SFXN2: variants seen among roughly 807,000 people sequenced by gnomAD.
SFXN2 encodes the protein sideroflexin 2.
Under a neutral mutation model 41.9 loss-of-function variants are expected in SFXN2, and 37 were observed. That is an observed-to-expected ratio of 0.88 (90% CI 0.68 to 1.16). SFXN2 has a LOEUF of 1.16. Ranked by LOEUF, SFXN2 falls within the 50% of genes most tolerant of loss-of-function variation. SFXN2 has a pLI of 0.00. For missense variants in SFXN2, 386 were observed against 425.2 expected (o/e 0.91, Z 0.81); for synonymous variants, 150 against 156.7 (o/e 0.96, Z 0.32).
Position 102,739,327 on chromosome 10 carries a change from C to G in SFXN2, c.*1565C>G, listed in dbSNP as rs2134014122. Reference sequence around the variant, plus strand: ...TGCCTGGAGGCTGTTGTTTATTTCCCTCATTAAAGGGGAAATCCACCTGTC... The same window carrying G: ...TGCCTGGAGGCTGTTGTTTATTTCCGTCATTAAAGGGGAAATCCACCTGTC... On this transcript the variant is annotated 3_prime_UTR_variant, in exon 12 of 12. Coordinates refer to ENST00000369893, the MANE Select transcript of SFXN2 (RefSeq NM_178858.6). 6.6e-6 allele frequency: 1 copy of G among 152,278 alleles called. No individual in the cohort carries two copies. The highest frequency in any genetic ancestry group is 1.5e-5 in the Non-Finnish European group (1 of 68,018). 9.4% of individuals were successfully genotyped at this position (152,278 alleles called of 1,614,324 possible). A position where few individuals can be genotyped will look rare whatever the true frequency, so the allele number is the denominator to read the frequency against.
chr10:102,735,785 C>G (rs370617539), intron 10 of SFXN2, 77 bp from the exon 11 acceptor site: 5 of 1,503,806 alleles, frequency 3.3e-6, no homozygotes, highest in Non-Finnish European at 4.6e-6. Context: ...GGGCATTGCT[C>G]CTTTCCCTTG....
Position 102,739,049 on chromosome 10 carries a change from C to T in SFXN2, c.*1287C>T, listed in dbSNP as rs879046389. The T allele has an allele frequency of 6.6e-6, 1 of 152,588 alleles. No individual in the cohort carries two copies. Among genetic ancestry groups the T allele is most frequent in the South Asian group, 2.1e-4 (1 of 4,828 alleles). The allele number at this position is 152,588 out of a possible 1,614,324, so 9.5% of individuals were successfully genotyped here. ...AGCTTGGCTGCCCTAGGTGATTTCT[C>T]AAGCTCCTTGGGGGACTGTTGTTTC... On this transcript the variant is annotated 3_prime_UTR_variant, in exon 12 of 12. Coordinates refer to ENST00000369893, the MANE Select transcript of SFXN2 (RefSeq NM_178858.6).
intron 1 of SFXN2, among the ~76,000 whole-genome samples, chr10:102,723,247 C>T (rs1037196263): frequency 6.8e-6 from 1 of 148,026 alleles, no homozygotes; most frequent in African/African-American, 2.5e-5. Flanking sequence ...GCCTGGCCGA[C>T]TAGAAAGTTT....
In SFXN2 at chr10:102,741,254, G is replaced by T. The variant is rs747533329; in HGVS notation, c.*3492G>T. 8.1e-4 allele frequency: 123 copies of T among 152,304 alleles called. No individual in the cohort carries two copies. The Middle Eastern group carries it at 0.01, about 13-fold the overall frequency. The allele number at this position is 152,304 out of a possible 1,614,324, so 9.4% of individuals were successfully genotyped here. A position where few individuals can be genotyped will look rare whatever the true frequency, so the allele number is the denominator to read the frequency against. On this transcript the variant is annotated 3_prime_UTR_variant, in exon 12 of 12. Coordinates refer to ENST00000369893, the MANE Select transcript of SFXN2 (RefSeq NM_178858.6). ...CCTGTGTTTGCCAAACTGAATTGGG[G>T]TTTCTTATTTATTGAGAGAAAGAGG...
At position 102,743,066 on chromosome 10, in the gene SFXN2, A is replaced by AAGTAGACTTCGTC. The variant is rs1364282518; in HGVS notation, c.*5304_*5305insAGTAGACTTCGTC. The AAGTAGACTTCGTC allele has an allele frequency of 6.6e-6, 1 of 152,264 alleles. No homozygotes were observed. The highest frequency in any genetic ancestry group is 2.4e-5 in the African/African-American group (1 of 41,454). The allele number at this position is 152,264 out of a possible 1,614,324, so 9.4% of individuals were successfully genotyped here. A position where few individuals can be genotyped will look rare whatever the true frequency, so the allele number is the denominator to read the frequency against. Reference sequence around the variant, plus strand: ...GTGAGATAAAGAGAAGTAGACAGGGACGAAGTCACAGAGAGGACCGTGTTG... The same window carrying AAGTAGACTTCGTC: ...GTGAGATAAAGAGAAGTAGACAGGGAAGTAGACTTCGTCCGAAGTCACAGAGAGGACCGTGTTG... On this transcript the variant is annotated 3_prime_UTR_variant, in exon 12 of 12. Coordinates refer to ENST00000369893, the MANE Select transcript of SFXN2 (RefSeq NM_178858.6).
chr10:102,733,394 C>T (rs2064730880), intron 9 of SFXN2, among the ~76,000 whole-genome samples, 160 bp from the exon 10 acceptor site: 1 of 152,154 alleles, frequency 6.6e-6, no homozygotes, highest in African/African-American at 2.4e-5. Flanking sequence ...GTGATCTGCC[C>T]ATCTCGGTCT....
chr10:102,730,119 ACTC>A (rs1221202790), intron 6 of SFXN2, among the ~76,000 whole-genome samples: 2 of 151,956 alleles, frequency 1.3e-5, no homozygotes, highest in Non-Finnish European at 2.9e-5. Context: ...AAAATTGTGA[ACTC>A]CTCCTACTTC....
In SFXN2 at chr10:102,734,218, G is replaced by C. The variant is rs1047526919; in HGVS notation, c.821+615G>C. 1.3e-5 allele frequency among the ~76,000 whole-genome samples: 2 copies of C among 152,094 alleles called. No homozygotes were observed. Among genetic ancestry groups the C allele is most frequent in the Non-Finnish European group, 2.9e-5 (2 of 68,020 alleles). ...GATAAGAACGAGGAGACATAGCTTT[G>C]GCTGGGACTGTCATGTGTCCCAGAC... is the stretch of plus-strand genomic sequence containing the variant. On this transcript the variant is annotated intron_variant, in intron 10 of 11. Coordinates refer to ENST00000369893, the MANE Select transcript of SFXN2 (RefSeq NM_178858.6). This position sits in a 1 kb window ranked among gnomAD's most constrained non-coding sequence, Gnocchi z 4.1.
chr10:102,739,195 CTG>C lies in SFXN2; in HGVS notation c.*1435_*1436del, dbSNP rs781282377. On this transcript the variant is annotated 3_prime_UTR_variant, in exon 12 of 12. Coordinates refer to ENST00000369893, the MANE Select transcript of SFXN2 (RefSeq NM_178858.6). Reference sequence around the variant, plus strand: ...GCACACAGGCACACATACACACAAACTGTAAACTAAGTTAATGAAGCCTGAAT... The same window carrying C: ...GCACACAGGCACACATACACACAAACTAAACTAAGTTAATGAAGCCTGAAT... 6.6e-6 allele frequency: 1 copy of C among 152,254 alleles called. No homozygotes were observed. Among genetic ancestry groups the C allele is most frequent in the African/African-American group, 2.4e-5 (1 of 41,462 alleles). 9.4% of individuals were successfully genotyped at this position (152,254 alleles called of 1,614,324 possible).
chr10:102,736,958 C>A (rs1005867007), intron 11 of SFXN2, among the ~76,000 whole-genome samples: 14 of 151,884 alleles, frequency 9.2e-5, no homozygotes, highest in African/African-American at 2.9e-4. Context: ...AGTTCAAGAC[C>A]AGCCTGACCA....
Position 102,732,297 on chromosome 10 carries a change from G to A in SFXN2, c.721+79G>A, listed in dbSNP as rs949653574. On this transcript the variant is annotated intron_variant, in intron 8 of 11. Coordinates refer to ENST00000369893, the MANE Select transcript of SFXN2 (RefSeq NM_178858.6). ...TCTCAGCCACACTCAGCTTTTGGGT[G>A]GGAGGTGGGGCCCACCTTCTACAGC... 8.3e-6 allele frequency: 11 copies of A among 1,327,658 alleles called. No individual in the cohort carries two copies. In the Admixed American group the frequency reaches 2.0e-4, roughly 24 times the overall value. The allele number at this position is 1,327,658 out of a possible 1,614,324, so 82.2% of individuals were successfully genotyped here. A position where few individuals can be genotyped will look rare whatever the true frequency, so the allele number is the denominator to read the frequency against.
chr10:102,729,460 C>T, intron 5 of SFXN2, 66 bp downstream of exon 5: 1 of 1,566,566 alleles, frequency 6.4e-7, no homozygotes, highest in South Asian at 1.1e-5. Flanking sequence ...GGAAAACGTC[C>T]TTCCCCCAGG....
intron 10 of SFXN2, among the ~76,000 whole-genome samples, chr10:102,735,051 TC>T (rs2064754597): frequency 6.6e-6 from 1 of 151,518 alleles, no homozygotes; most frequent in Admixed American, 6.6e-5. Context: ...ACAGACTCAC[TC>T]CTCCCCCTCC....
intron 4 of SFXN2, among the ~76,000 whole-genome samples, chr10:102,729,047 C>T (rs2064656679): frequency 6.6e-6 from 1 of 152,184 alleles, no homozygotes; most frequent in Non-Finnish European, 1.5e-5. Context: ...ATGAATGACC[C>T]AAGAGCCCAG....
At chr10:102,717,968 A>G (rs1485247022) in intron 1 of SFXN2, among the ~76,000 whole-genome samples, 1 of 152,220 alleles carries the variant, frequency 6.6e-6, no homozygotes, top group East Asian at 1.9e-4. Context: ...CTGTAGGAGT[A>G]TATATCACAG....
chr10:102,717,220 C>T (rs1244409011), intron 1 of SFXN2, among the ~76,000 whole-genome samples: 1 of 151,256 alleles, frequency 6.6e-6, no homozygotes, highest in Non-Finnish European at 1.5e-5. Context: ...CAACCTCCGC[C>T]TCCCGGGTTC....
At chr10:102,733,725 C>G (rs2064735951) in intron 10 of SFXN2, 122 bp downstream of exon 10, 7 of 813,824 alleles carry the variant, frequency 8.6e-6, no homozygotes, top group Non-Finnish European at 1.3e-5. Flanking sequence ...TGGTCAAGCT[C>G]AGAATACCTG....
chr10:102,721,944 T>C (rs1196802203), intron 1 of SFXN2, among the ~76,000 whole-genome samples: 2 of 152,206 alleles, frequency 1.3e-5, no homozygotes, highest in African/African-American at 4.8e-5. Flanking sequence ...CTTTGAAAGA[T>C]TCTCTCCTGT....
chr10:102,721,439 T>A (rs1324012252), intron 1 of SFXN2, among the ~76,000 whole-genome samples: 1 of 149,340 alleles, frequency 6.7e-6, no homozygotes, highest in Non-Finnish European at 1.5e-5. Flanking sequence ...TTATAACATA[T>A]AAAGTTATAT....
Sources: gnomAD v4.1 joint callset for allele counts (sites outside exome capture counted in the v4.1 genomes callset) on GRCh38, gnomAD v4.1.1 for gene constraint, Gnocchi (gnomAD v3.1) non-coding constraint, MANE v1.5 for transcripts, NCBI Gene and HGNC (gene_info 2026-07-23, HGNC 2026-07-21) for gene names.